POFUT4: variants seen among roughly 807,000 people sequenced by gnomAD.
POFUT4 encodes protein O-fucosyltransferase 4, also known as GDP-fucose protein O-fucosyltransferase 4.
the POFUT4 span, chr10:73,774,438 G>T: frequency 1.3e-5 from 2 of 152,138 alleles, no homozygotes; most frequent in African/African-American, 4.8e-5. Context: ...CCAGCACTTT[G>T]GGAGGTCAAG....
At chr10:73,775,791 C>A in the POFUT4 span, 1 of 1,193,048 alleles carries the variant, frequency 8.4e-7, no homozygotes, top group Non-Finnish European at 1.2e-6. Context: ...ACTGTCTTTT[C>A]ATGGATTCAA....
At chr10:73,772,820 C>T in the POFUT4 span, 7 of 1,612,118 alleles carry the variant, frequency 4.3e-6, no homozygotes, top group East Asian at 2.2e-5. Flanking sequence ...CCCGGGCATC[C>T]GCCTCTTCAA....
At chr10:73,773,922 C>T in the POFUT4 span, 1 of 1,240,608 alleles carries the variant, frequency 8.1e-7, no homozygotes, top group East Asian at 2.4e-5. Flanking sequence ...GAAATTATCA[C>T]ATGGGCTCAT....
the POFUT4 span, chr10:73,775,465 T>C: frequency 6.2e-7 from 1 of 1,614,026 alleles, no homozygotes; most frequent in South Asian, 1.1e-5. Context: ...AAGATTTCTT[T>C]GGCCCCACTC....
chr10:73,779,690 T>C, the POFUT4 span: 1 of 152,096 alleles, frequency 6.6e-6, no homozygotes, highest in Admixed American at 6.5e-5. Flanking sequence ...GCATAATTAT[T>C]ACACAAGTAC....
the POFUT4 span, among the ~76,000 whole-genome samples, chr10:73,778,005 C>T: frequency 3.3e-5 from 5 of 151,280 alleles, no homozygotes; most frequent in Non-Finnish European, 2.9e-5. Flanking sequence ...ATTACAGGCA[C>T]GCACTACCAT....
At chr10:73,772,684 G>T in the POFUT4 span, 1 of 1,561,836 alleles carries the variant, frequency 6.4e-7, no homozygotes, top group Non-Finnish European at 8.7e-7. Context: ...ACTCGCGGAC[G>T]CGCGCGCTGC....
the POFUT4 span, among the ~76,000 whole-genome samples, chr10:73,776,930 T>G: frequency 1.3e-4 from 20 of 152,304 alleles, no homozygotes; most frequent in African/African-American, 4.8e-4. Context: ...CCGCCCGCCT[T>G]GGCCTCCCAA....
chr10:73,773,259 G>A, the POFUT4 span: 2 of 1,613,968 alleles, frequency 1.2e-6, no homozygotes, highest in Admixed American at 3.3e-5. Flanking sequence ...CACAGCCACG[G>A]CCACCACCGA....
the POFUT4 span, chr10:73,773,342 C>T: frequency 6.2e-7 from 1 of 1,614,222 alleles, no homozygotes; most frequent in Non-Finnish European, 8.5e-7. Context: ...TCTGTAACGA[C>T]TACATGACAG....
the POFUT4 span, chr10:73,774,564 G>A: frequency 6.6e-5 from 10 of 152,140 alleles, no homozygotes; most frequent in Admixed American, 2.0e-4. Context: ...GCCTGGGGTG[G>A]TGGCACATAC....
the POFUT4 span, chr10:73,772,943 C>T: frequency 6.2e-7 from 1 of 1,607,466 alleles, no homozygotes; most frequent in Non-Finnish European, 8.5e-7. Context: ...CGCGGAGTGG[C>T]GCCGCCGCGG....
chr10:73,775,842 G>T, the POFUT4 span: 1 of 741,314 alleles, frequency 1.3e-6, no homozygotes, highest in African/African-American at 1.8e-5. Flanking sequence ...TCTTAATGAT[G>T]AGTAGCCAAG....
the POFUT4 span, among the ~76,000 whole-genome samples, chr10:73,776,688 T>C: frequency 6.6e-6 from 1 of 151,948 alleles, no homozygotes; most frequent in African/African-American, 2.4e-5. Flanking sequence ...TCTCAAATTA[T>C]ATATATATAT....
the POFUT4 span, chr10:73,772,639 G>C: frequency 6.4e-7 from 1 of 1,555,808 alleles, no homozygotes; most frequent in Non-Finnish European, 8.7e-7. Context: ...CGCGCGGCGC[G>C]TGCGTGGCGT....
the POFUT4 span, chr10:73,775,976 CACTT>C: frequency 2.8e-5 from 11 of 387,532 alleles, no homozygotes; most frequent in African/African-American, 1.6e-4. Context: ...TTAAACTACT[CACTT>C]CTTTATTTCA....
chr10:73,774,032 C>T, the POFUT4 span: 4 of 547,902 alleles, frequency 7.3e-6, no homozygotes, highest in Non-Finnish European at 9.5e-6. Context: ...TGAAAATCAG[C>T]TTATGTGAAC....
At chr10:73,776,878 G>A in the POFUT4 span, among the ~76,000 whole-genome samples, 130 of 152,214 alleles carry the variant, frequency 8.5e-4, no homozygotes, top group African/African-American at 3.0e-3. Context: ...ACAGGGTTTC[G>A]CCATGTTGGC....
At chr10:73,773,302 A>AT in the POFUT4 span, 1 of 1,614,128 alleles carries the variant, frequency 6.2e-7, no homozygotes, top group Non-Finnish European at 8.5e-7. Context: ...TTGTCCCGCT[A>AT]TAAGTTCCAC....
Sources: gnomAD v4.1 joint callset for allele counts (sites outside exome capture counted in the v4.1 genomes callset) on GRCh38, gnomAD v4.1.1 for gene constraint, MANE v1.5 for transcripts, NCBI Gene and HGNC (gene_info 2026-07-23, HGNC 2026-07-21) for gene names.